SLC9C1: variants seen among roughly 807,000 people sequenced by gnomAD.
SLC9C1 encodes sodium/hydrogen exchanger 10.
In SLC9C1, 97 loss-of-function variants were observed where a neutral mutation model predicts 140.9. That is an observed-to-expected ratio of 0.69 (90% CI 0.58 to 0.82). The LOEUF is 0.82. SLC9C1 is among the 40% of genes least tolerant of loss of function. The pLI is 0.00. For missense variants in SLC9C1, 1,340 were observed against 1,389.3 expected (o/e 0.96, Z 0.56); for synonymous variants, 440 against 442.6 (o/e 0.99, Z 0.07).
chr3:112,150,328 G>C (rs1184352599), intron 28 of SLC9C1, among the ~76,000 whole-genome samples: 1 of 152,124 alleles, frequency 6.6e-6, no homozygotes, highest in Admixed American at 6.6e-5. Flanking sequence ...GTTAACTCGA[G>C]GGCTAGGGGA....
chr3:112,286,004 T>A (rs1360866670), intron 2 of SLC9C1, among the ~76,000 whole-genome samples: 1 of 152,188 alleles, frequency 6.6e-6, no homozygotes, highest in Non-Finnish European at 1.5e-5. Context: ...ACTCAAGTGA[T>A]CTGCCCATCT....
intron 26 of SLC9C1, among the ~76,000 whole-genome samples, chr3:112,160,378 T>A (rs2075258922): frequency 6.6e-6 from 1 of 151,712 alleles, no homozygotes; most frequent in African/African-American, 2.4e-5. Context: ...CACTAACTTG[T>A]CATCTAGCAT....
intron 13 of SLC9C1, among the ~76,000 whole-genome samples, chr3:112,224,435 T>A (rs1404998929): frequency 1.3e-5 from 2 of 152,016 alleles, no homozygotes; most frequent in East Asian, 3.9e-4. Flanking sequence ...ATCTCACTGT[T>A]AAAGGAACAC....
chr3:112,283,612 G>T lies in SLC9C1; in HGVS notation c.89-2829C>A, dbSNP rs188782556. Among the ~76,000 whole-genome samples, 834 of 152,114 alleles carry T rather than the reference G, an allele frequency of 5.5e-3. 12 individuals are homozygous for T. Among genetic ancestry groups the T allele is most frequent in the Non-Finnish European group, 9.7e-3 (660 of 68,002 alleles). On this transcript the variant is annotated intron_variant, in intron 2 of 28. Coordinates refer to ENST00000305815, the MANE Select transcript of SLC9C1 (RefSeq NM_183061.3). ...TTTATTTGATTCAGGATTAGGCTTT[G>T]ACAGTAGTTAACTAAATTGGATTAA... is the stretch of plus-strand genomic sequence containing the variant.
At chr3:112,243,396 A>C (rs1576430724) in intron 11 of SLC9C1, among the ~76,000 whole-genome samples, 1 of 152,348 alleles carries the variant, frequency 6.6e-6, no homozygotes, top group East Asian at 1.9e-4. Flanking sequence ...CACTATCCTA[A>C]GTGAATTAAT....
rs73853323 is a variant in SLC9C1, at chr3:112,153,757, G to A, written c.3417+1240C>T. The stretch of plus-strand genomic sequence containing the variant: ...GGTTAAAAAATTTGCCGAAGGTCAC[G>A]TGGCTATTAAGTGGTAGAATCTGAG... On this transcript the variant is annotated intron_variant, in intron 27 of 28. Transcript: ENST00000305815. Among the ~76,000 whole-genome samples the A allele has an allele frequency of 4.4e-3, 668 of 152,278 alleles. 9 individuals are homozygous for A. Among genetic ancestry groups the A allele is most frequent in the African/African-American group, 0.015 (611 of 41,546 alleles).
At chr3:112,204,717 G>C (rs896778040) in intron 16 of SLC9C1, among the ~76,000 whole-genome samples, 3 of 152,016 alleles carry the variant, frequency 2.0e-5, no homozygotes, top group African/African-American at 7.2e-5. Flanking sequence ...GTACGCCAGG[G>C]TGTTTTAATT....
At position 112,166,157 on chromosome 3, in the gene SLC9C1, G is replaced by C. The variant is rs185247466; in HGVS notation, c.3364+1064C>G. Among the ~76,000 whole-genome samples, 152 of 152,304 alleles carry C rather than the reference G, an allele frequency of 1.0e-3. 3 individuals carry two copies. In the East Asian group the frequency reaches 0.013, roughly 13 times the overall value. On this transcript the variant is annotated intron_variant, in intron 26 of 28. Coordinates refer to ENST00000305815, the MANE Select transcript of SLC9C1 (RefSeq NM_183061.3). ...GGGTGGGAGTGACCCGATTTTCCAG[G>C]CGCCGTCTGTCACCCCTTTCTTTGA...
intron 2 of SLC9C1, among the ~76,000 whole-genome samples, chr3:112,285,227 A>G (rs954022112): frequency 2.0e-5 from 3 of 152,056 alleles, no homozygotes; most frequent in Middle Eastern, 3.4e-3. Context: ...AAAAATATTT[A>G]TAGCCAACAA....
intron 20 of SLC9C1, 101 bp downstream of exon 20, chr3:112,199,220 A>G: frequency 1.1e-6 from 1 of 930,606 alleles, no homozygotes; most frequent in Non-Finnish European, 1.5e-6. Context: ...AGATTTTCCT[A>G]TCTTAGAAAT....
chr3:112,265,854 T>G (rs116785711), intron 8 of SLC9C1, among the ~76,000 whole-genome samples: 3,408 of 152,242 alleles, frequency 0.022, 132 homozygotes, highest in African/African-American at 0.077. Flanking sequence ...TTTTTTTGCC[T>G]TAAGTTCAAC....
intron 16 of SLC9C1, among the ~76,000 whole-genome samples, chr3:112,204,649 T>C (rs1230120089): frequency 2.0e-5 from 3 of 152,076 alleles, no homozygotes; most frequent in Admixed American, 6.6e-5. Flanking sequence ...AACAAATGTA[T>C]ATAATGACAC....
At position 112,239,524 on chromosome 3, in the gene SLC9C1, A is replaced by C. The variant is rs566447502; in HGVS notation, c.1446+316T>G. Among the ~76,000 whole-genome samples, 254 of 152,300 alleles carry C rather than the reference A, an allele frequency of 1.7e-3. 1 individual carries two copies. Among genetic ancestry groups the C allele is most frequent in the South Asian group, 3.1e-3 (15 of 4,828 alleles). The stretch of plus-strand genomic sequence containing the variant: ...CTGGTACCTCAGTTGGAAATGCAGA[A>C]ATCACCCGTCTTCTGCATCACTCAT... On this transcript the variant is annotated intron_variant, in intron 12 of 28. Transcript: ENST00000305815.
intron 6 of SLC9C1, among the ~76,000 whole-genome samples, chr3:112,273,962 T>G (rs2108325596): frequency 6.6e-6 from 1 of 152,252 alleles, no homozygotes; most frequent in Non-Finnish European, 1.5e-5. Context: ...AGACACCCAG[T>G]GCATAGAATA....
intron 2 of SLC9C1, among the ~76,000 whole-genome samples, chr3:112,283,174 G>A (rs1202925070): frequency 1.3e-5 from 2 of 152,096 alleles, no homozygotes; most frequent in African/African-American, 4.8e-5. Flanking sequence ...AATGAGGGGA[G>A]GGGATCTGAA....
intron 28 of SLC9C1, among the ~76,000 whole-genome samples, chr3:112,143,235 GTA>G (rs56997574): frequency 0.67 from 100,272 of 150,420 alleles, 33,329 homozygotes; most frequent in East Asian, 0.8. Context: ...AATAATTTGT[GTA>G]TATATATATA....
chr3:112,145,589 CTTTTTTTTTTTT>C (rs61547345), intron 28 of SLC9C1, among the ~76,000 whole-genome samples: 1 of 28,244 alleles, frequency 3.5e-5, no homozygotes, highest in Non-Finnish European at 6.1e-5. Context: ...CTGCCCTTGG[CTTTTTTTTTTTT>C]TTTTTTTTTT....
At position 112,168,857 on chromosome 3, in the gene SLC9C1, A is replaced by G; in HGVS notation, c.3237+20T>C. On this transcript the variant is annotated intron_variant, in intron 25 of 28. Transcript: ENST00000305815. The stretch of plus-strand genomic sequence containing the variant: ...ACATATGGCATATTGATCTGAAGAC[A>G]GGAATCAATATTTCTTTACCTGATG... 1.9e-6 allele frequency: 3 copies of G among 1,550,718 alleles called. No homozygotes were observed. The highest frequency in any genetic ancestry group is 2.6e-6 in the Non-Finnish European group (3 of 1,151,092).
chr3:112,151,673 G>A (rs1420063112), intron 28 of SLC9C1, among the ~76,000 whole-genome samples, 184 bp downstream of exon 28: 1 of 152,220 alleles, frequency 6.6e-6, no homozygotes, highest in Non-Finnish European at 1.5e-5. Context: ...AGATAAAGGA[G>A]TATTATTTTG....
Sources: gnomAD v4.1 joint callset for allele counts (sites outside exome capture counted in the v4.1 genomes callset) on GRCh38, gnomAD v4.1.1 for gene constraint, MANE v1.5 for transcripts, NCBI Gene and HGNC (gene_info 2026-07-23, HGNC 2026-07-21) for gene names.